ARIH2: variants seen among roughly 807,000 people sequenced by gnomAD.
The protein encoded by ARIH2 is ariadne RBR E3 ubiquitin protein ligase 2, also known as E3 ubiquitin-protein ligase ARIH2.
Under a neutral mutation model 79.8 loss-of-function variants are expected in ARIH2, and 12 were observed. The observed-to-expected ratio is 0.15, with a 90% CI of 0.10 to 0.24. The LOEUF (loss-of-function observed/expected upper bound fraction) is 0.24. Among genes scored for constraint, ARIH2 ranks in the 10% least tolerant of loss-of-function variants. The probability of loss-of-function intolerance (pLI) is 1.00; values close to 1 mark genes in which losing one functional copy is unlikely to be tolerated. For synonymous variants in ARIH2, 224 were observed against 213.9 expected, an observed-to-expected ratio of 1.05 and a Z score of -0.41; for missense variants, 301 against 618.3, an observed-to-expected ratio of 0.49 and a Z score of 5.44.
chr3:48,978,483 A>ATATT (rs1288556209), intron 11 of ARIH2, among the ~76,000 whole-genome samples: 10 of 40,462 alleles, frequency 2.5e-4, no homozygotes, highest in African/African-American at 5.8e-4. Flanking sequence ...ATATATATAT[A>ATATT]TTTTTTTTTT....
chr3:48,983,130 T>C, intron 15 of ARIH2, 69 bp from the exon 16 acceptor site: 1 of 1,581,056 alleles, frequency 6.3e-7, no homozygotes, highest in South Asian at 1.1e-5. Flanking sequence ...GGAGGGTGTT[T>C]GTGGCTTTGG....
intron 3 of ARIH2, among the ~76,000 whole-genome samples, chr3:48,957,128 CA>C (rs1487079086): frequency 6.6e-6 from 1 of 152,206 alleles, no homozygotes; most frequent in African/African-American, 2.4e-5. Flanking sequence ...TGTTTGTTCT[CA>C]CCAGAACTCA....
At chr3:48,965,170 C>T (rs890222461) in intron 5 of ARIH2, among the ~76,000 whole-genome samples, 188 bp downstream of exon 5, 12 of 148,598 alleles carry the variant, frequency 8.1e-5, no homozygotes, top group South Asian at 2.2e-4. Context: ...CTGGCTAACA[C>T]GGTGAAACCC....
At chr3:48,929,579 G>A (rs1398655074) in intron 3 of ARIH2, among the ~76,000 whole-genome samples, 2 of 152,064 alleles carry the variant, frequency 1.3e-5, no homozygotes, top group South Asian at 2.1e-4. Flanking sequence ...AAAGAATACA[G>A]CTCGTTTATT....
At chr3:48,972,207 T>C (rs1422737298) in intron 8 of ARIH2, among the ~76,000 whole-genome samples, 1 of 152,220 alleles carries the variant, frequency 6.6e-6, no homozygotes, top group Non-Finnish European at 1.5e-5. Context: ...GTAAACAAGA[T>C]GTTTAAACAA....
chr3:48,952,904 A>G (rs1483607954), intron 3 of ARIH2, among the ~76,000 whole-genome samples: 1 of 152,252 alleles, frequency 6.6e-6, no homozygotes, highest in Non-Finnish European at 1.5e-5. Flanking sequence ...TGCATAAAGA[A>G]AGAATATCTT....
At chr3:48,946,177 G>A (rs1423061586) in intron 3 of ARIH2, among the ~76,000 whole-genome samples, 1 of 151,922 alleles carries the variant, frequency 6.6e-6, no homozygotes, top group Non-Finnish European at 1.5e-5. Context: ...TAGCATTATT[G>A]GCCCACAGCC....
intron 3 of ARIH2, among the ~76,000 whole-genome samples, chr3:48,948,594 C>T (rs2089541348): frequency 6.6e-6 from 1 of 152,122 alleles, no homozygotes; most frequent in Middle Eastern, 3.2e-3. Flanking sequence ...CGGCCGAACT[C>T]ATCCATTTTA....
At chr3:48,976,454 G>A (rs564269961) in intron 11 of ARIH2, among the ~76,000 whole-genome samples, 1 of 151,882 alleles carries the variant, frequency 6.6e-6, no homozygotes, top group South Asian at 2.1e-4. Context: ...CAGGCAATCC[G>A]CCTGCCTCGA....
intron 11 of ARIH2, among the ~76,000 whole-genome samples, chr3:48,976,737 C>T (rs1342530565): frequency 6.6e-6 from 1 of 152,148 alleles, no homozygotes; most frequent in Non-Finnish European, 1.5e-5. Flanking sequence ...TCCCAGCACC[C>T]ACCACATTCC....
At position 48,986,352 on chromosome 3, in the gene ARIH2, C is replaced by T. The variant is rs1261439120; in HGVS notation, c.*3082C>T. 6.6e-6 allele frequency: 1 copy of T among 152,226 alleles called. No homozygotes were observed. Among genetic ancestry groups the T allele is most frequent in the East Asian group, 1.9e-4 (1 of 5,202 alleles). The allele number at this position is 152,226 out of a possible 1,614,324, so 9.4% of individuals were successfully genotyped here. A position where few individuals can be genotyped will look rare whatever the true frequency, so the allele number is the denominator to read the frequency against. On this transcript the variant is annotated 3_prime_UTR_variant, in exon 16 of 16. Coordinates refer to ENST00000356401, the MANE Select transcript of ARIH2 (RefSeq NM_006321.4). ...TGAATGTTTGTTTTTTGTTTTGAGA[C>T]AGTCTCGCTCTATCGCCCAGACTGG... is the stretch of plus-strand genomic sequence containing the variant.
chr3:48,959,315 C>CAAA (rs572436218), intron 3 of ARIH2, among the ~76,000 whole-genome samples: 1 of 82,790 alleles, frequency 1.2e-5, no homozygotes. Flanking sequence ...GACTCCATCT[C>CAAA]AAAAAAAAAA....
chr3:48,932,941 G>A (rs538584580), intron 3 of ARIH2, among the ~76,000 whole-genome samples: 1 of 152,314 alleles, frequency 6.6e-6, no homozygotes, highest in Admixed American at 6.5e-5. Context: ...GGGCATGGGA[G>A]TGGGAGGGTT....
intron 3 of ARIH2, chr3:48,949,146 C>T (rs1185170278): frequency 6.6e-6 from 3 of 454,638 alleles, no homozygotes; most frequent in African/African-American, 2.0e-5. Context: ...GAGACGGAGT[C>T]GTGCTCTGTT....
At chr3:48,966,608 C>A (rs1028614784) in intron 5 of ARIH2, among the ~76,000 whole-genome samples, 2 of 152,026 alleles carry the variant, frequency 1.3e-5, no homozygotes, top group Non-Finnish European at 2.9e-5. Flanking sequence ...GGTTTGGGTA[C>A]GTCGATATAG....
chr3:48,977,036 TAA>T (rs915620435), intron 11 of ARIH2, among the ~76,000 whole-genome samples: 1 of 150,600 alleles, frequency 6.6e-6, no homozygotes, highest in Non-Finnish European at 1.5e-5. Context: ...CCATCTCTAC[TAA>T]AAAAAAATAC....
At chr3:48,937,115 T>G (rs2087263887) in intron 3 of ARIH2, among the ~76,000 whole-genome samples, 1 of 152,232 alleles carries the variant, frequency 6.6e-6, no homozygotes, top group South Asian at 2.1e-4. Context: ...GCAAGGGGTT[T>G]GTTTGGAGAT....
At chr3:48,947,638 A>C (rs950334406) in intron 3 of ARIH2, among the ~76,000 whole-genome samples, 2 of 152,248 alleles carry the variant, frequency 1.3e-5, no homozygotes, top group Admixed American at 1.3e-4. Context: ...ATAAAAAGTC[A>C]AAGTATACTG....
chr3:48,919,390 T>G, intron 1 of ARIH2: 2 of 411,164 alleles, frequency 4.9e-6, no homozygotes, highest in Non-Finnish European at 8.4e-6. Flanking sequence ...GTGGAGGGTA[T>G]CCCCAGCTCG....
Sources: gnomAD v4.1 joint callset for allele counts (sites outside exome capture counted in the v4.1 genomes callset) on GRCh38, gnomAD v4.1.1 for gene constraint, MANE v1.5 for transcripts, NCBI Gene and HGNC (gene_info 2026-07-23, HGNC 2026-07-21) for gene names.